The following DACH1 variants were observed in gnomAD, a reference collection of about 807,000 sequenced individuals.
DACH1 encodes dachshund family transcription factor 1, also known as dachshund homolog 1.
In DACH1, 12 loss-of-function variants were observed where a neutral mutation model predicts 54.2. The ratio of observed to expected loss-of-function variants is 0.22; its 90% CI spans 0.14 to 0.36. The LOEUF (loss-of-function observed/expected upper bound fraction) is 0.36, where lower values mean the gene tolerates loss of function less well. DACH1 is among the 10% of genes least tolerant of loss of function. The pLI is 1.00. For synonymous variants in DACH1, 386 were observed against 366.2 expected, an observed-to-expected ratio of 1.05 and a Z score of -0.62; for missense variants, 805 against 929.8, an observed-to-expected ratio of 0.87 and a Z score of 1.75.
intron 1 of DACH1, among the ~76,000 whole-genome samples, chr13:71,782,178 C>T (rs1459766916): frequency 6.6e-6 from 1 of 152,154 alleles, no homozygotes; most frequent in African/African-American, 2.4e-5. Flanking sequence ...TGGTGGCTGA[C>T]ACTTGTAATC....
intron 1 of DACH1, among the ~76,000 whole-genome samples, chr13:71,719,350 A>T (rs1883126807): frequency 6.6e-6 from 1 of 152,150 alleles, no homozygotes; most frequent in Admixed American, 6.5e-5. Context: ...AACAACATAG[A>T]TCCCATGTCT....
intron 7 of DACH1, among the ~76,000 whole-genome samples, chr13:71,486,846 ATCTATCTATCTATCTG>A (rs1398247589): frequency 2.1e-5 from 3 of 140,744 alleles, no homozygotes; most frequent in Non-Finnish European, 4.7e-5. Flanking sequence ...CTATCTATCT[ATCTATCTATCTATCTG>A]AGATGGAGTT....
At chr13:71,644,631 G>A (rs1253532778) in intron 2 of DACH1, among the ~76,000 whole-genome samples, 1 of 152,186 alleles carries the variant, frequency 6.6e-6, no homozygotes, top group Admixed American at 6.5e-5. Context: ...TCTCTGCCAG[G>A]TTCTATCCAC....
chr13:71,669,698 T>C (rs1236903657), intron 2 of DACH1, among the ~76,000 whole-genome samples: 1 of 152,138 alleles, frequency 6.6e-6, no homozygotes, highest in African/African-American at 2.4e-5. Flanking sequence ...AGGCAGAACT[T>C]ATGATGGTGG....
intron 2 of DACH1, among the ~76,000 whole-genome samples, chr13:71,671,690 C>T (rs982528865): frequency 6.6e-6 from 1 of 151,950 alleles, no homozygotes; most frequent in Non-Finnish European, 1.5e-5. Context: ...TCAAAAAAAT[C>T]GTATTGTTTT....
At chr13:71,557,350 A>T (rs1566339570) in intron 5 of DACH1, among the ~76,000 whole-genome samples, 192 bp from the exon 6 acceptor site, 1 of 152,184 alleles carries the variant, frequency 6.6e-6, no homozygotes, top group African/African-American at 2.4e-5. Context: ...TTGTCAGAAT[A>T]TGCAGAAAAT....
chr13:71,601,930 A>C (rs550133380), intron 3 of DACH1, among the ~76,000 whole-genome samples: 1 of 152,118 alleles, frequency 6.6e-6, no homozygotes, highest in South Asian at 2.1e-4. Context: ...AATGCTAAAC[A>C]ATGAGGCATG....
intron 6 of DACH1, among the ~76,000 whole-genome samples, chr13:71,493,011 G>C (rs2138212326): frequency 1.3e-5 from 2 of 150,656 alleles, no homozygotes; most frequent in East Asian, 2.0e-4. Context: ...ACTTTTTTGT[G>C]ACATGTTCTT....
At chr13:71,595,893 C>T (rs954106949) in intron 3 of DACH1, among the ~76,000 whole-genome samples, 2 of 152,088 alleles carry the variant, frequency 1.3e-5, no homozygotes, top group Non-Finnish European at 2.9e-5. Context: ...ATGAATGCTG[C>T]AGGGACACAA....
At chr13:71,798,777 C>T (rs1464330999) in intron 1 of DACH1, among the ~76,000 whole-genome samples, 2 of 152,044 alleles carry the variant, frequency 1.3e-5, no homozygotes, top group African/African-American at 4.8e-5. Context: ...CTCTGCTGCT[C>T]TTCTCCTTCC....
intron 2 of DACH1, among the ~76,000 whole-genome samples, chr13:71,648,345 G>A (rs1878441416): frequency 6.6e-6 from 1 of 151,908 alleles, no homozygotes; most frequent in Non-Finnish European, 1.5e-5. Flanking sequence ...ATTCTTAATG[G>A]TGCAGACCAG....
intron 1 of DACH1, among the ~76,000 whole-genome samples, chr13:71,842,097 T>C (rs1219625921): frequency 6.6e-6 from 1 of 152,152 alleles, no homozygotes; most frequent in African/African-American, 2.4e-5. Flanking sequence ...AGATAACTCA[T>C]TTAGTACCTG....
At chr13:71,754,587 A>C (rs926556432) in intron 1 of DACH1, among the ~76,000 whole-genome samples, 11 of 152,254 alleles carry the variant, frequency 7.2e-5, no homozygotes, top group Admixed American at 5.2e-4. Context: ...CAGCTGTCAG[A>C]CTTTAGTAAC....
chr13:71,752,012 T>C (rs1192950003), intron 1 of DACH1, among the ~76,000 whole-genome samples: 1 of 152,170 alleles, frequency 6.6e-6, no homozygotes, highest in Admixed American at 6.6e-5. Flanking sequence ...ATTTCCTTTA[T>C]AGTAAGTGTG....
intron 3 of DACH1, among the ~76,000 whole-genome samples, chr13:71,598,203 C>A (rs1380251493): frequency 6.6e-6 from 1 of 152,088 alleles, no homozygotes; most frequent in Non-Finnish European, 1.5e-5. Flanking sequence ...CTGGAAAACC[C>A]TAAAACTGAA....
intron 1 of DACH1, among the ~76,000 whole-genome samples, chr13:71,798,661 G>A (rs942015618): frequency 1.3e-5 from 2 of 151,934 alleles, no homozygotes; most frequent in Non-Finnish European, 2.9e-5. Flanking sequence ...AAATTAGCAA[G>A]TGAAGCAAAA....
chr13:71,739,891 A>G (rs1197424726), intron 1 of DACH1, among the ~76,000 whole-genome samples: 1 of 152,238 alleles, frequency 6.6e-6, no homozygotes, highest in African/African-American at 2.4e-5. Context: ...AAACTAAAAC[A>G]CTTTGAAGCT....
In DACH1 at chr13:71,866,284, G is replaced by GCTGCTGCTA; in HGVS notation, c.477_485dup (p.Ser161_Ser163dup). 6.3e-7 allele frequency: 1 copy of GCTGCTGCTA among 1,580,006 alleles called. No homozygotes were observed. The highest frequency in any genetic ancestry group is 8.6e-7 in the Non-Finnish European group (1 of 1,162,726). The stretch of plus-strand genomic sequence containing the variant: ...GTTTCCCGGGGAGGGGGCCGCAGCT[G>GCTGCTGCTA]CTGCTGCTACTGCTGCTGCTGCTAC... On this transcript the variant is annotated inframe_insertion, in exon 1 of 11. Transcript: ENST00000613252.
At chr13:71,604,371 T>G (rs74096969) in intron 3 of DACH1, among the ~76,000 whole-genome samples, 229 of 151,980 alleles carry the variant, frequency 1.5e-3, no homozygotes, top group African/African-American at 5.4e-3. Flanking sequence ...ACAAGCTAAA[T>G]TTTTCAACTT....
Sources: allele counts gnomAD v4.1 joint callset (sites outside exome capture counted in the v4.1 genomes callset), GRCh38; gene constraint gnomAD v4.1.1; transcripts MANE v1.5; gene names NCBI Gene and HGNC (gene_info 2026-07-23, HGNC 2026-07-21).